The following CMYA5 variants were observed in gnomAD, a reference collection of about 807,000 sequenced individuals.
CMYA5 encodes the protein cardiomyopathy associated 5, also known as cardiomyopathy-associated protein 5.
In CMYA5, 246 loss-of-function variants were observed where a neutral mutation model predicts 318.9. The observed-to-expected ratio is 0.77, with a 90% CI of 0.70 to 0.86. CMYA5 has a LOEUF of 0.86. Among genes scored for constraint, CMYA5 ranks in the 40% least tolerant of loss-of-function variants. CMYA5 has a pLI of 0.00. For missense variants in CMYA5, 4,589 were observed against 4,678.2 expected, an observed-to-expected ratio of 0.98 and a Z score of 0.56; for synonymous variants, 1,641 against 1,729.5, an observed-to-expected ratio of 0.95 and a Z score of 1.27.
At chr5:79,758,247 A>T (rs1193615979) in intron 6 of CMYA5, among the ~76,000 whole-genome samples, 1 of 149,488 alleles carries the variant, frequency 6.7e-6, no homozygotes, top group African/African-American at 2.5e-5. Flanking sequence ...TAAAAAAAAA[A>T]ATTGGCCGGT....
intron 1 of CMYA5, among the ~76,000 whole-genome samples, chr5:79,725,771 A>ACACGCACCTGTAATCC (rs1405261239): frequency 5.3e-5 from 8 of 152,098 alleles, no homozygotes; most frequent in African/African-American, 1.9e-4. Flanking sequence ...GGGCGTTATG[A>ACACGCACCTGTAATCC]CACGCACCTG....
chr5:79,756,963 G>A (rs528996500), intron 6 of CMYA5, among the ~76,000 whole-genome samples: 2 of 152,136 alleles, frequency 1.3e-5, no homozygotes, highest in South Asian at 2.1e-4. Context: ...AGGCCGAGGC[G>A]AGCGGATCAC....
In CMYA5 at chr5:79,731,467, C is replaced by T. The variant is rs1343681943; in HGVS notation, c.2702C>T (p.Ser901Phe). The T allele has an allele frequency of 2.5e-6, 4 of 1,608,884 alleles. No homozygotes were observed. The highest frequency in any genetic ancestry group is 2.2e-5 in the East Asian group (1 of 44,832). ...TACACACCCTCTTCTACATCTGCTT[C>T]TGAATTTTCAGTACCACCATATGCA... The part of the protein sequence containing the change: ...ERYTPSSTSA[S>F]EFSVPPYATP... The change falls in exon 2 of 13, where the codon TCT becomes TTT. Residue 901 changes from serine to phenylalanine, a missense_variant. By Grantham distance (155) the Ser-to-Phe change is radical. This residue lies in a region of CMYA5 where 2,132 missense variants were observed against 2,131.3 expected (regional missense o/e 1.00). Coordinates refer to ENST00000446378, the MANE Select transcript of CMYA5 (RefSeq NM_153610.5).
chr5:79,744,300 C>T (rs1236166900), intron 3 of CMYA5, among the ~76,000 whole-genome samples: 1 of 152,212 alleles, frequency 6.6e-6, no homozygotes, highest in Non-Finnish European at 1.5e-5. Flanking sequence ...TCATGCCTCT[C>T]ACTGGGTTAA....
chr5:79,707,749 G>A (rs532106869), intron 1 of CMYA5, among the ~76,000 whole-genome samples: 4 of 152,266 alleles, frequency 2.6e-5, no homozygotes, highest in East Asian at 1.9e-4. Context: ...TTCAAGCCCC[G>A]GAAAGGAAGG....
intron 12 of CMYA5, among the ~76,000 whole-genome samples, chr5:79,794,802 A>G (rs1829246918): frequency 6.6e-6 from 1 of 152,172 alleles, no homozygotes; most frequent in African/African-American, 2.4e-5. Context: ...CCTGCATCCT[A>G]CTTGACAGTT....
chr5:79,750,512 C>T (rs925897514), intron 5 of CMYA5, among the ~76,000 whole-genome samples: 4 of 137,608 alleles, frequency 2.9e-5, no homozygotes, highest in African/African-American at 7.8e-5. Context: ...CCCCATCTTG[C>T]TCAAGAGTCA....
chr5:79,731,678 G>T lies in CMYA5; in HGVS notation c.2913G>T (p.Glu971Asp), dbSNP rs1561207344. The change falls in exon 2 of 13, where the codon GAG becomes GAT. Residue 971 changes from glutamate (E) to aspartate (D), a missense_variant. Coordinates refer to ENST00000446378, the MANE Select transcript of CMYA5 (RefSeq NM_153610.5). ...AGGAAGCAGAGAAAAGAGAATTTGA[G>T]TGCGATTCTCCAATATGTTTAACAT... ...ATQEAEKREF[E>D]CDSPICLTSP... The T allele has an allele frequency of 1.2e-6, 2 of 1,613,926 alleles. No individual in the cohort carries two copies. The highest frequency in any genetic ancestry group is 1.1e-5 in the South Asian group (1 of 91,076).
In CMYA5 at chr5:79,735,717, C is replaced by A; in HGVS notation, c.6952C>A (p.Gln2318Lys). ...TSADGENLEI[Q>K]SYSLIGEKLV... ...TGCTGATGGTGAGAACCTTGAAATT[C>A]AATCTTATTCACTAATCGGTGAGAA... The change falls in exon 2 of 13, where the codon CAA becomes AAA. Residue 2318 changes from glutamine to lysine, a missense_variant. Physicochemically the swap from Gln to Lys is moderately conservative, Grantham distance 53 (BLOSUM62 1). This residue lies in a region of CMYA5 where 2,431 missense variants were observed against 2,495.1 expected (regional missense o/e 0.97). Coordinates refer to ENST00000446378, the MANE Select transcript of CMYA5 (RefSeq NM_153610.5). 1 of 1,598,270 alleles carries A rather than the reference C, an allele frequency of 6.3e-7. No individual in the cohort carries two copies. The highest frequency in any genetic ancestry group is 1.2e-5 in the South Asian group (1 of 86,878).
chr5:79,747,239 C>A, intron 5 of CMYA5, 126 bp downstream of exon 5: 1 of 763,758 alleles, frequency 1.3e-6, no homozygotes. Flanking sequence ...ACAGTATTTT[C>A]ACTTTTAGAC....
chr5:79,748,489 C>T (rs930494893), intron 5 of CMYA5, among the ~76,000 whole-genome samples: 3 of 150,556 alleles, frequency 2.0e-5, no homozygotes, highest in Admixed American at 6.7e-5. Flanking sequence ...GGCCTTATTC[C>T]GAGTTCCCTA....
intron 9 of CMYA5, among the ~76,000 whole-genome samples, chr5:79,772,775 G>A (rs543825740): frequency 2.6e-4 from 40 of 152,274 alleles, no homozygotes; most frequent in African/African-American, 9.4e-4. Context: ...TCTGCTCTTT[G>A]GGAGTGGCCA....
At chr5:79,777,020 CT>C (rs1342895194) in intron 9 of CMYA5, among the ~76,000 whole-genome samples, 3 of 152,102 alleles carry the variant, frequency 2.0e-5, no homozygotes, top group African/African-American at 7.2e-5. Flanking sequence ...TACTCCTTTC[CT>C]TTTTTTCCAT....
intron 1 of CMYA5, among the ~76,000 whole-genome samples, chr5:79,704,618 C>G (rs16877063): frequency 0.16 from 23,771 of 152,044 alleles, 1,912 homozygotes; most frequent in African/African-American, 0.19. Flanking sequence ...TGGTTGATCT[C>G]TTAATCTCTT....
intron 1 of CMYA5, among the ~76,000 whole-genome samples, chr5:79,709,479 T>A (rs1223194136): frequency 6.6e-6 from 1 of 152,176 alleles, no homozygotes; most frequent in African/African-American, 2.4e-5. Flanking sequence ...TATGGTTTTC[T>A]TTCAGGGCAT....
rs200715392 is a variant in CMYA5, at chr5:79,742,048, C to CTCTTCT, written c.10639-1732_10639-1727dup. ...TTCCTCCTCCTCCTCCCTCTTTCTCCTCTTCTTCTTCTTCTTCTTCTTCTT... is the reference window on the plus strand; with the variant it reads ...TTCCTCCTCCTCCTCCCTCTTTCTCCTCTTCTTCTTCTTCTTCTTCTTCTTCTTCTT... On this transcript the variant is annotated intron_variant, in intron 2 of 12. Coordinates refer to ENST00000446378, the MANE Select transcript of CMYA5 (RefSeq NM_153610.5). 4.0e-3 allele frequency among the ~76,000 whole-genome samples: 410 copies of CTCTTCT among 102,496 alleles called. 1 individual carries two copies. Among genetic ancestry groups the CTCTTCT allele is most frequent in the African/African-American group, 0.011 (226 of 20,074 alleles). The allele number at this position is 102,496 out of a possible 152,430, so 67.2% of individuals were successfully genotyped here.
At chr5:79,761,012 G>T (rs559235346) in intron 7 of CMYA5, among the ~76,000 whole-genome samples, 4 of 152,074 alleles carry the variant, frequency 2.6e-5, no homozygotes, top group Non-Finnish European at 5.9e-5. Flanking sequence ...TGACATTCAA[G>T]AGTCATAAGG....
Position 79,735,115 on chromosome 5 carries a change from A to T in CMYA5, c.6350A>T (p.Asp2117Val), listed in dbSNP as rs548437302. Residue 2117 changes from aspartate (D) to valine (V), a missense_variant, in exon 2 of 13, where the codon GAT becomes GTT. By Grantham distance (152) the Asp-to-Val change is radical (BLOSUM62 -3). Coordinates refer to ENST00000446378, the MANE Select transcript of CMYA5 (RefSeq NM_153610.5). Reference sequence around the variant, plus strand: ...CAGTCAAAGGTTATTGATGATGCTGATGAGGGAAAGAAACCATCACCTGAA... The same window carrying T: ...CAGTCAAAGGTTATTGATGATGCTGTTGAGGGAAAGAAACCATCACCTGAA... ...MVQSKVIDDADEGKKPSPEVK... is the reference protein window; with the variant it reads ...MVQSKVIDDAVEGKKPSPEVK... 1 of 1,613,826 alleles carries T rather than the reference A, an allele frequency of 6.2e-7. No homozygotes were observed. The highest frequency in any genetic ancestry group is 8.5e-7 in the Non-Finnish European group (1 of 1,179,788).
At position 79,735,608 on chromosome 5, in the gene CMYA5, T is replaced by A. The variant is rs1366914116; in HGVS notation, c.6843T>A (p.Ile2281=). The A allele has an allele frequency of 6.2e-7, 1 of 1,613,620 alleles. No homozygotes were observed. ...AAGATTTACAACAGCCAAAATTCAT[T>A]TCTGAGGTGTCTAGGGAAGATTATG... ...NVEDLQQPKF[I]SEVSREDYGK... The change falls in exon 2 of 13, where the codon ATT becomes ATA. Residue 2281 remains isoleucine (I), a synonymous_variant. Transcript: ENST00000446378.
Sources: gnomAD v4.1 joint callset for allele counts (sites outside exome capture counted in the v4.1 genomes callset) on GRCh38, gnomAD v4.1.1 for gene constraint, gnomAD v4.1.1 regional missense constraint, MANE v1.5 for transcripts, NCBI Gene and HGNC (gene_info 2026-07-23, HGNC 2026-07-21) for gene names.